TPMT: variants seen among roughly 807,000 people sequenced by gnomAD.
TPMT encodes the protein S-adenosyl-L-methionine:thiopurine S-methyltransferase.
TPMT carries 18 observed loss-of-function variants against 34.2 expected under a neutral mutation model. The ratio of observed to expected loss-of-function variants is 0.53; its 90% confidence interval spans 0.36 to 0.78. The LOEUF (loss-of-function observed/expected upper bound fraction) is 0.78, where lower values mean the gene tolerates loss of function less well. Ranked by LOEUF, TPMT falls within the 30% of genes least tolerant of loss-of-function variation. The pLI is 0.00. For synonymous variants in TPMT, 69 were observed against 92.4 expected, an observed-to-expected ratio of 0.75 and a Z score of 1.45; for missense variants, 265 against 288.1, an observed-to-expected ratio of 0.92 and a Z score of 0.58.
intron 4 of TPMT, among the ~76,000 whole-genome samples, chr6:18,142,493 G>T (rs139628028): frequency 1.3e-5 from 2 of 151,938 alleles, no homozygotes; most frequent in African/African-American, 4.8e-5. Context: ...CAACAGCCTC[G>T]CAACAGCACA....
rs1460975302 is a variant in TPMT, at chr6:18,136,901, G to A, written c.494+2062C>T. On this transcript the variant is annotated intron_variant, in intron 6 of 8. Transcript: ENST00000309983. The surrounding 1 kb of genome is among the most constrained non-coding windows in gnomAD (Gnocchi z 4.7). ...AATTTTTGGGTGAGAGCATAAGGCT[G>A]AGGATGGTGGTCCCTTGGGGAATCA... 6.6e-6 allele frequency among the ~76,000 whole-genome samples: 1 copy of A among 152,234 alleles called. No individual in the cohort carries two copies.
rs1783973483 is a variant in TPMT, at chr6:18,132,941, G to A, written c.581-764C>T. ...AAATCCTGTCTCTACTAAAAATACA[G>A]AAATTAGCTGGGTGTGATGGCATAC... On this transcript the variant is annotated intron_variant, in intron 7 of 8. Transcript: ENST00000309983. This position sits in a 1 kb window ranked among gnomAD's most constrained non-coding sequence, Gnocchi z 4.8. Among the ~76,000 whole-genome samples, 1 of 151,782 alleles carries A rather than the reference G, an allele frequency of 6.6e-6. No homozygotes were observed. Among genetic ancestry groups the A allele is most frequent in the Non-Finnish European group, 1.5e-5 (1 of 67,968 alleles).
chr6:18,137,802 T>G (rs905597371), intron 6 of TPMT, among the ~76,000 whole-genome samples: 2 of 152,204 alleles, frequency 1.3e-5, no homozygotes, highest in African/African-American at 4.8e-5. Flanking sequence ...TTCATTTTTT[T>G]GAAATGGAGG....
At position 18,153,261 on chromosome 6, in the gene TPMT, T is replaced by C. The variant is rs1784388010; in HGVS notation, c.-45+1772A>G. On this transcript the variant is annotated intron_variant, in intron 1 of 8. Coordinates refer to ENST00000309983, the MANE Select transcript of TPMT (RefSeq NM_000367.5). This position sits in a 1 kb window ranked among gnomAD's most constrained non-coding sequence, Gnocchi z 4.2. ...AACCATTCATGAGAAAGAGTTCTCC[T>C]TTCTAAATTATGAACTTCTCATTCT... 6.6e-6 allele frequency among the ~76,000 whole-genome samples: 1 copy of C among 152,174 alleles called. No individual in the cohort carries two copies. The highest frequency in any genetic ancestry group is 2.1e-4 in the South Asian group (1 of 4,834).
Position 18,138,912 on chromosome 6 carries a change from T to C in TPMT, c.494+51A>G, listed in dbSNP as rs764218923. On this transcript the variant is annotated intron_variant, in intron 6 of 8. Coordinates refer to ENST00000309983, the MANE Select transcript of TPMT (RefSeq NM_000367.5). The surrounding 1 kb of genome is among the most constrained non-coding windows in gnomAD (Gnocchi z 4.1). ...GATTTTCTAGAACCCAGAAAAAGTA[T>C]AGTATACTAAAAAATTAAGACAGCT... 5 of 1,451,142 alleles carry C rather than the reference T, an allele frequency of 3.4e-6. No individual in the cohort carries two copies. Among genetic ancestry groups the C allele is most frequent in the African/African-American group, 1.4e-5 (1 of 71,210 alleles). 89.9% of individuals were successfully genotyped at this position (1,451,142 alleles called of 1,614,324 possible).
chr6:18,147,985 A>C, intron 2 of TPMT, 70 bp from the exon 3 acceptor site: 4 of 1,169,366 alleles, frequency 3.4e-6, no homozygotes, highest in Admixed American at 1.8e-5. Flanking sequence ...TCATTATCTC[A>C]CTTAATATTC....
chr6:18,128,571 G>A lies in TPMT; in HGVS notation c.*2097C>T, dbSNP rs1057268752. 1 of 152,270 alleles carries A rather than the reference G, an allele frequency of 6.6e-6. No individual in the cohort carries two copies. Among genetic ancestry groups the A allele is most frequent in the African/African-American group, 2.4e-5 (1 of 41,458 alleles). The allele number at this position is 152,270 out of a possible 1,614,324, so 9.4% of individuals were successfully genotyped here. On this transcript the variant is annotated 3_prime_UTR_variant, in exon 9 of 9. Coordinates refer to ENST00000309983, the MANE Select transcript of TPMT (RefSeq NM_000367.5). This position sits in a 1 kb window ranked among gnomAD's most constrained non-coding sequence, Gnocchi z 4.6. ...TCAGGGAGGATGAAAATGGACCCAG[G>A]ACGCAGGTGGCCTCTCTTTGGTTCT...
rs556827954 is a variant in TPMT at position 18,153,347 on chromosome 6, C to G, written c.-45+1686G>C. Among the ~76,000 whole-genome samples, 1 of 152,344 alleles carries G rather than the reference C, an allele frequency of 6.6e-6. No individual in the cohort carries two copies. Among genetic ancestry groups the G allele is most frequent in the South Asian group, 2.1e-4 (1 of 4,826 alleles). ...TGTATGAGGAAAATGCCTTTCCTTTCAATGTCAACTCTGCAATATTAAGGA... is the reference window on the plus strand; with the variant it reads ...TGTATGAGGAAAATGCCTTTCCTTTGAATGTCAACTCTGCAATATTAAGGA... On this transcript the variant is annotated intron_variant, in intron 1 of 8. Coordinates refer to ENST00000309983, the MANE Select transcript of TPMT (RefSeq NM_000367.5). This position sits in a 1 kb window ranked among gnomAD's most constrained non-coding sequence, Gnocchi z 4.2.
chr6:18,132,837 T>C lies in TPMT; in HGVS notation c.581-660A>G, dbSNP rs1367226090. The stretch of plus-strand genomic sequence containing the variant: ...AGCTGGGAACGGTGGCTCACGCCTG[T>C]AATCCCAGCACTTTGGGAGGCTGAG... On this transcript the variant is annotated intron_variant, in intron 7 of 8. Transcript: ENST00000309983. This position sits in a 1 kb window ranked among gnomAD's most constrained non-coding sequence, Gnocchi z 4.8. Among the ~76,000 whole-genome samples, 1 of 152,076 alleles carries C rather than the reference T, an allele frequency of 6.6e-6. No homozygotes were observed. The highest frequency in any genetic ancestry group is 1.5e-5 in the Non-Finnish European group (1 of 68,018).
In TPMT at chr6:18,138,923, A is replaced by G; in HGVS notation, c.494+40T>C. ...ACCCAGAAAAAGTATAGTATACTAA[A>G]AAATTAAGACAGCTAAACAAAAAAA... On this transcript the variant is annotated intron_variant, in intron 6 of 8. Coordinates refer to ENST00000309983, the MANE Select transcript of TPMT (RefSeq NM_000367.5). The surrounding 1 kb of genome is among the most constrained non-coding windows in gnomAD (Gnocchi z 4.1). The G allele has an allele frequency of 7.0e-6, 11 of 1,564,956 alleles. No homozygotes were observed. The highest frequency in any genetic ancestry group is 9.7e-6 in the Non-Finnish European group (11 of 1,138,498).
rs1783868272 is a variant in TPMT at position 18,128,518 on chromosome 6, G to A, written c.*2150C>T. ...GGACTCTATCCCATGGACACAGGGT[G>A]TTTCTCCCCACCCTGGGCAGCTGGG... On this transcript the variant is annotated 3_prime_UTR_variant, in exon 9 of 9. Transcript: ENST00000309983. This position sits in a 1 kb window ranked among gnomAD's most constrained non-coding sequence, Gnocchi z 4.6. 1 of 152,140 alleles carries A rather than the reference G, an allele frequency of 6.6e-6. No homozygotes were observed. Among genetic ancestry groups the A allele is most frequent in the Non-Finnish European group, 1.5e-5 (1 of 68,036 alleles). 9.4% of individuals were successfully genotyped at this position (152,140 alleles called of 1,614,324 possible). A position where few individuals can be genotyped will look rare whatever the true frequency, so the allele number is the denominator to read the frequency against.
In TPMT at chr6:18,149,219, C is replaced by T. The variant is rs1784306287; in HGVS notation, c.-44-48G>A. ...GTTGTCATTTAAGGTCATTGGAATT[C>T]TATTGATGAACTAAATGAAAACCTA... On this transcript the variant is annotated intron_variant, in intron 1 of 8. Coordinates refer to ENST00000309983, the MANE Select transcript of TPMT (RefSeq NM_000367.5). This position sits in a 1 kb window ranked among gnomAD's most constrained non-coding sequence, Gnocchi z 5.0. The T allele has an allele frequency of 6.8e-7, 1 of 1,472,580 alleles. No individual in the cohort carries two copies. The highest frequency in any genetic ancestry group is 1.4e-5 in the African/African-American group (1 of 72,144). The allele number at this position is 1,472,580 out of a possible 1,614,324, so 91.2% of individuals were successfully genotyped here.
rs1302141808 is a variant in TPMT, at chr6:18,135,183, G to A, written c.495-1294C>T. ...ACCAGTGGATCACTCTTCCTTGTAG[G>A]TGAAAGAACCACATCAAAGCAAACT... On this transcript the variant is annotated intron_variant, in intron 6 of 8. Transcript: ENST00000309983. This position sits in a 1 kb window ranked among gnomAD's most constrained non-coding sequence, Gnocchi z 5.0. 7.2e-5 allele frequency among the ~76,000 whole-genome samples: 11 copies of A among 152,188 alleles called. No homozygotes were observed. The highest frequency in any genetic ancestry group is 6.5e-4 in the Admixed American group (10 of 15,280).
Position 18,132,056 on chromosome 6 carries a change from C to T in TPMT, c.625+77G>A. 6.7e-7 allele frequency: 1 copy of T among 1,503,186 alleles called. No individual in the cohort carries two copies. The highest frequency in any genetic ancestry group is 9.2e-7 in the Non-Finnish European group (1 of 1,081,986). 93.1% of individuals were successfully genotyped at this position (1,503,186 alleles called of 1,614,324 possible). On this transcript the variant is annotated intron_variant, in intron 8 of 8. Coordinates refer to ENST00000309983, the MANE Select transcript of TPMT (RefSeq NM_000367.5). The surrounding 1 kb of genome is among the most constrained non-coding windows in gnomAD (Gnocchi z 4.8). ...CCTCCCAAAGTGCTGGAAATACAGG[C>T]ATGAGCCAGCACGCCAGGCCCAAAA...
chr6:18,141,749 G>A (rs1480544792), intron 4 of TPMT, among the ~76,000 whole-genome samples: 1 of 152,174 alleles, frequency 6.6e-6, no homozygotes, highest in Non-Finnish European at 1.5e-5. Flanking sequence ...ACTGATTCAG[G>A]AGTTAAGAAG....
At position 18,140,480 on chromosome 6, in the gene TPMT, A is replaced by T. The variant is rs1582042164; in HGVS notation, c.367-763T>A. Among the ~76,000 whole-genome samples the T allele has an allele frequency of 6.6e-6, 1 of 152,260 alleles. No homozygotes were observed. The highest frequency in any genetic ancestry group is 2.1e-4 in the South Asian group (1 of 4,828). On this transcript the variant is annotated intron_variant, in intron 4 of 8. Transcript: ENST00000309983. The surrounding 1 kb of genome is among the most constrained non-coding windows in gnomAD (Gnocchi z 4.7). ...TGAAGCAGGCAGATCGCTTGAGCCCAGGAGTATGAGACCAGCCTGGGCAAC... is the reference window on the plus strand; with the variant it reads ...TGAAGCAGGCAGATCGCTTGAGCCCTGGAGTATGAGACCAGCCTGGGCAAC...
Position 18,139,064 on chromosome 6 carries a change from T to C in TPMT, c.420-27A>G, listed in dbSNP as rs1486110814. ...TACCAGAAAGAGAAAAAACATTTTA[T>C]GGGAGAAAAATCAAATCTTTAAGAA... is the stretch of plus-strand genomic sequence containing the variant. On this transcript the variant is annotated intron_variant, in intron 5 of 8. Transcript: ENST00000309983. This position sits in a 1 kb window ranked among gnomAD's most constrained non-coding sequence, Gnocchi z 4.2. The C allele has an allele frequency of 1.9e-6, 3 of 1,598,824 alleles. No individual in the cohort carries two copies. The highest frequency in any genetic ancestry group is 3.3e-5 in the Admixed American group (2 of 59,974).
chr6:18,142,814 T>C (rs1480132004), intron 4 of TPMT, among the ~76,000 whole-genome samples: 6 of 152,100 alleles, frequency 3.9e-5, no homozygotes, highest in African/African-American at 9.7e-5. Flanking sequence ...GAGCCAGAAA[T>C]GTGAACTCAT....
In TPMT at chr6:18,154,606, A is replaced by T. The variant is rs1373703035; in HGVS notation, c.-45+427T>A. Among the ~76,000 whole-genome samples the T allele has an allele frequency of 6.6e-6, 1 of 151,358 alleles. No individual in the cohort carries two copies. Among genetic ancestry groups the T allele is most frequent in the Admixed American group, 6.6e-5 (1 of 15,156 alleles). On this transcript the variant is annotated intron_variant, in intron 1 of 8. Transcript: ENST00000309983. The surrounding 1 kb of genome is among the most constrained non-coding windows in gnomAD (Gnocchi z 4.2). Reference sequence around the variant, plus strand: ...GAAAAAACCGAGAGTCCGTTTCTATAAAAAAAAATTTGAAAAATTAGCCAA... The same window carrying T: ...GAAAAAACCGAGAGTCCGTTTCTATTAAAAAAAATTTGAAAAATTAGCCAA...
Sources: allele counts gnomAD v4.1 joint callset (sites outside exome capture counted in the v4.1 genomes callset), GRCh38; gene constraint gnomAD v4.1.1; non-coding constraint Gnocchi (gnomAD v3.1); transcripts MANE v1.5; gene names NCBI Gene and HGNC (gene_info 2026-07-23, HGNC 2026-07-21).